FSTL1: variants seen among roughly 807,000 people sequenced by gnomAD.
The protein encoded by FSTL1 is follistatin like 1.
FSTL1 carries 24 observed loss-of-function variants against 45.9 expected under a neutral mutation model. The ratio of observed to expected loss-of-function variants is 0.52; its 90% CI spans 0.38 to 0.74. The LOEUF (loss-of-function observed/expected upper bound fraction) is 0.74. FSTL1 is among the 30% of genes least tolerant of loss of function. The probability of loss-of-function intolerance (pLI) is 0.00; values close to 1 mark genes in which losing one functional copy is unlikely to be tolerated. For missense variants in FSTL1, 340 were observed against 381.8 expected (o/e 0.89, Z 0.91); for synonymous variants, 120 against 137.6 (o/e 0.87, Z 0.89).
chr3:120,415,133 AAAC>A (rs1937164495), intron 3 of FSTL1, among the ~76,000 whole-genome samples: 1 of 151,842 alleles, frequency 6.6e-6, no homozygotes, highest in Non-Finnish European at 1.5e-5. Flanking sequence ...AAAAAAAAAA[AAAC>A]ATTAAAAAAA....
At chr3:120,403,975 A>AC (rs61136163) in intron 7 of FSTL1, among the ~76,000 whole-genome samples, 4,788 of 99,340 alleles carry the variant, frequency 0.048, 219 homozygotes, top group Non-Finnish European at 0.076. Flanking sequence ...AACAAAAACA[A>AC]AAAAAAACAA....
At chr3:120,432,688 T>G (rs182370060) in intron 2 of FSTL1, among the ~76,000 whole-genome samples, 3 of 152,342 alleles carry the variant, frequency 2.0e-5, no homozygotes, top group Admixed American at 2.0e-4. Context: ...TTTAACTGTG[T>G]AAACACTGGA....
Position 120,399,896 on chromosome 3 carries a change from AG to A in FSTL1, c.868del (p.Leu290SerfsTer14), listed in dbSNP as rs1328111454. ...EEEMTRYVQE[L>X]QKHQETAEKT... Reference sequence around the variant, plus strand: ...GCTGCCACTCACCTGATGCTTTTGGAGCTCCTGGACATATCTGGTCATCTCC... The same window carrying A: ...GCTGCCACTCACCTGATGCTTTTGGACTCCTGGACATATCTGGTCATCTCC... On this transcript the variant is annotated frameshift_variant, in exon 10 of 11. Transcript: ENST00000295633. LOFTEE classifies it high-confidence loss of function. 6.2e-7 allele frequency: 1 copy of A among 1,604,950 alleles called. No homozygotes were observed. Among genetic ancestry groups the A allele is most frequent in the African/African-American group, 1.3e-5 (1 of 74,804 alleles).
intron 3 of FSTL1, among the ~76,000 whole-genome samples, chr3:120,414,932 T>C (rs943543215): frequency 3.3e-5 from 5 of 150,638 alleles, no homozygotes; most frequent in South Asian, 2.1e-4. Flanking sequence ...CCCTCCACTA[T>C]TGTCCTATGA....
intron 9 of FSTL1, 84 bp from the exon 10 acceptor site, chr3:120,400,043 A>G (rs1461973864): frequency 5.8e-6 from 5 of 865,332 alleles, no homozygotes; most frequent in African/African-American, 5.0e-5. Context: ...GAGGCTCTCA[A>G]TTCATCTCCC....
chr3:120,437,908 G>A (rs913845897), intron 2 of FSTL1, among the ~76,000 whole-genome samples: 2 of 152,094 alleles, frequency 1.3e-5, no homozygotes, highest in African/African-American at 4.8e-5. Context: ...TTTAACCATT[G>A]GGTCAAAGCC....
At position 120,447,257 on chromosome 3, in the gene FSTL1, G is replaced by T. The variant is rs1277576090; in HGVS notation, c.63+3427C>A. On this transcript the variant is annotated intron_variant, in intron 2 of 10. Transcript: ENST00000295633. ...TGAACTGTAGTAATTCCCAATGGGA[G>T]GGGGATGGGAAAGAGTAGATGAGCA... Among the ~76,000 whole-genome samples the T allele has an allele frequency of 2.0e-5, 3 of 152,214 alleles. No homozygotes were observed. In the East Asian group the frequency reaches 5.8e-4, roughly 29 times the overall value.
chr3:120,413,919 G>C (rs1937126663), intron 3 of FSTL1, among the ~76,000 whole-genome samples: 1 of 151,756 alleles, frequency 6.6e-6, no homozygotes, highest in African/African-American at 2.4e-5. Context: ...AGCCTGCCCA[G>C]TGCCTGCGAT....
In FSTL1 at chr3:120,394,233, C is replaced by T. The variant is rs1481833886; in HGVS notation, c.*2719G>A. ...AGGAAGTAAATGGGTAATGTTCTCA[C>T]GACTTTATTTGGCCTTAATTGGGGG... On this transcript the variant is annotated 3_prime_UTR_variant, in exon 11 of 11. Coordinates refer to ENST00000295633, the MANE Select transcript of FSTL1 (RefSeq NM_007085.5). The T allele has an allele frequency of 5.3e-5, 8 of 152,164 alleles. No homozygotes were observed. Among genetic ancestry groups the T allele is most frequent in the Non-Finnish European group, 1.0e-4 (7 of 68,032 alleles). 9.4% of individuals were successfully genotyped at this position (152,164 alleles called of 1,614,324 possible).
chr3:120,425,473 G>A (rs1346786262), intron 2 of FSTL1, among the ~76,000 whole-genome samples: 2 of 152,138 alleles, frequency 1.3e-5, no homozygotes, highest in East Asian at 1.9e-4. Context: ...AATGCAGGAG[G>A]ACTGAAATGG....
intron 2 of FSTL1, among the ~76,000 whole-genome samples, chr3:120,439,348 C>G (rs955456083): frequency 2.0e-5 from 3 of 152,190 alleles, no homozygotes; most frequent in African/African-American, 7.2e-5. Context: ...AGTTCCCAAA[C>G]TAGACTGACT....
At chr3:120,405,021 TTCCATCATTAC>T (rs761817450) in intron 6 of FSTL1, 50 bp from the exon 7 acceptor site, 4 of 932,590 alleles carry the variant, frequency 4.3e-6, no homozygotes, top group Non-Finnish European at 7.2e-6. Context: ...AGAACCCCTG[TTCCATCATTAC>T]TCCACTCAGC....
intron 6 of FSTL1, among the ~76,000 whole-genome samples, chr3:120,408,389 T>C (rs869247): frequency 0.43 from 64,743 of 152,156 alleles, 14,460 homozygotes; most frequent in Non-Finnish European, 0.49. Context: ...GAAATCTCTA[T>C]GTAAAAATGA....
chr3:120,400,975 A>G (rs1343016349), intron 9 of FSTL1, among the ~76,000 whole-genome samples: 2 of 152,212 alleles, frequency 1.3e-5, no homozygotes, highest in Non-Finnish European at 2.9e-5. Flanking sequence ...ACATCCCATG[A>G]AGCTGATCAT....
intron 9 of FSTL1, 69 bp from the exon 10 acceptor site, chr3:120,400,028 A>C (rs1936790274): frequency 3.1e-6 from 3 of 977,184 alleles, no homozygotes; most frequent in Non-Finnish European, 4.8e-6. Flanking sequence ...GCCAAGATCT[A>C]CCTAGAGGCT....
chr3:120,448,274 C>T (rs1479678948), intron 2 of FSTL1, among the ~76,000 whole-genome samples: 4 of 152,184 alleles, frequency 2.6e-5, no homozygotes, highest in African/African-American at 9.6e-5. Context: ...AATAGATTGT[C>T]ACTAAGGACT....
intron 2 of FSTL1, among the ~76,000 whole-genome samples, chr3:120,435,627 C>G (rs1438304188): frequency 1.3e-5 from 2 of 152,184 alleles, no homozygotes; most frequent in African/African-American, 4.8e-5. Context: ...TATCTGAGCC[C>G]CAAATACATG....
intron 2 of FSTL1, among the ~76,000 whole-genome samples, chr3:120,438,664 C>T (rs753212696): frequency 6.6e-6 from 1 of 152,132 alleles, no homozygotes; most frequent in Non-Finnish European, 1.5e-5. Flanking sequence ...ATGAATAGGA[C>T]TTCAAAGCTG....
intron 2 of FSTL1, among the ~76,000 whole-genome samples, chr3:120,443,705 CA>C (rs1344943856): frequency 6.7e-6 from 1 of 149,824 alleles, no homozygotes; most frequent in Non-Finnish European, 1.5e-5. Context: ...TGTTTGTCAA[CA>C]GCTTAGTTGG....
Sources: allele counts gnomAD v4.1 joint callset (sites outside exome capture counted in the v4.1 genomes callset), GRCh38; gene constraint gnomAD v4.1.1; transcripts MANE v1.5; gene names NCBI Gene and HGNC (gene_info 2026-07-23, HGNC 2026-07-21).